ZC3H12B: variants seen among roughly 807,000 people sequenced by gnomAD.
ZC3H12B encodes the protein probable ribonuclease ZC3H12B.
Under a neutral mutation model 43.9 loss-of-function variants are expected in ZC3H12B, and 7 were observed. The ratio of observed to expected loss-of-function variants is 0.16; its 90% confidence interval spans 0.09 to 0.30. ZC3H12B has a LOEUF of 0.30. Among genes scored for constraint, ZC3H12B ranks in the 10% least tolerant of loss-of-function variants. The probability of loss-of-function intolerance (pLI) is 1.00; values close to 1 mark genes in which losing one functional copy is unlikely to be tolerated. For synonymous variants in ZC3H12B, 222 were observed against 241.7 expected, an observed-to-expected ratio of 0.92 and a Z score of 0.76; for missense variants, 475 against 670.2, an observed-to-expected ratio of 0.71 and a Z score of 3.22.
intron 3 of ZC3H12B, among the ~76,000 whole-genome samples, chrX:65,478,017 AT>A (rs781652598): frequency 3.6e-5 from 4 of 110,633 alleles, no homozygotes; most frequent in Non-Finnish European, 7.6e-5. Flanking sequence ...TCTCCAGTGG[AT>A]TTTTTATTTC....
the ZC3H12B span, among the ~76,000 whole-genome samples, chrX:65,064,920 C>T: frequency 2.7e-5 from 3 of 110,979 alleles, no homozygotes; most frequent in Non-Finnish European, 5.7e-5. Flanking sequence ...CTTTTTTCAT[C>T]TTTGTTGGTT....
chrX:65,345,342 T>C, the ZC3H12B span, among the ~76,000 whole-genome samples: 1 of 112,176 alleles, frequency 8.9e-6, no homozygotes, highest in Non-Finnish European at 1.9e-5. Context: ...GTGGTACATA[T>C]ACACCATGGA....
the ZC3H12B span, among the ~76,000 whole-genome samples, chrX:65,076,158 CTTT>C: frequency 9.6e-6 from 1 of 103,882 alleles, no homozygotes; most frequent in African/African-American, 3.5e-5. Context: ...TCTCTTCTTT[CTTT>C]TTTTTTTTTC....
the ZC3H12B span, among the ~76,000 whole-genome samples, chrX:65,043,059 C>T: frequency 3.6e-5 from 4 of 111,641 alleles, no homozygotes; most frequent in African/African-American, 1.3e-4. Flanking sequence ...AATTCCAATT[C>T]TCAATTCTGA....
At chrX:65,188,356 CTA>C in the ZC3H12B span, among the ~76,000 whole-genome samples, 6 of 91,240 alleles carry the variant, frequency 6.6e-5, no homozygotes, top group African/African-American at 2.6e-4. Context: ...TGTGGTTGCT[CTA>C]TTTTTTTTTT....
chrX:65,289,456 A>G, the ZC3H12B span, among the ~76,000 whole-genome samples: 1 of 110,248 alleles, frequency 9.1e-6, no homozygotes, highest in East Asian at 2.8e-4. Context: ...CAATTTACCC[A>G]TGTAACAAAC....
chrX:65,127,084 A>G, the ZC3H12B span, among the ~76,000 whole-genome samples: 4 of 110,873 alleles, frequency 3.6e-5, no homozygotes, highest in African/African-American at 6.6e-5. Context: ...TTGCTATGTC[A>G]TATTAATCAG....
At chrX:65,286,515 T>C in the ZC3H12B span, among the ~76,000 whole-genome samples, 33 of 110,482 alleles carry the variant, frequency 3.0e-4, no homozygotes, top group East Asian at 9.1e-3. Context: ...GATGCACAAT[T>C]TACCCATGTA....
the ZC3H12B span, among the ~76,000 whole-genome samples, chrX:65,283,210 C>A: frequency 9.0e-6 from 1 of 111,346 alleles, no homozygotes; most frequent in Non-Finnish European, 1.9e-5. Context: ...TAAACAGAAC[C>A]AAAGACAAAA....
chrX:65,155,181 C>A, the ZC3H12B span, among the ~76,000 whole-genome samples: 2 of 110,539 alleles, frequency 1.8e-5, no homozygotes, highest in Non-Finnish European at 3.8e-5. Context: ...TGGTCTTGAA[C>A]TCTTGAACTC....
chrX:65,203,239 A>G, the ZC3H12B span, among the ~76,000 whole-genome samples: 2 of 112,277 alleles, frequency 1.8e-5, no homozygotes, highest in Admixed American at 1.9e-4. Context: ...CACCTCTGGT[A>G]CCTAAGGCGT....
At position 65,448,073 on chromosome X, in the gene ZC3H12B, A is replaced by T. The variant is rs776644887; in HGVS notation, n.408-40573A>T. 1.4e-3 allele frequency among the ~76,000 whole-genome samples: 153 copies of T among 111,027 alleles called. 1 individual carries two copies. Among genetic ancestry groups the T allele is most frequent in the African/African-American group, 4.9e-3 (150 of 30,588 alleles). On this transcript the variant is annotated intron_variant and non_coding_transcript_variant, in intron 3 of 5. Coordinates refer to the ZC3H12B transcript ENST00000617377. ...CAGTGAAACCCCGTCTCTACTAAAA[A>T]TACAAAAAAAAATTAGCCGGGTGTG... is the stretch of plus-strand genomic sequence containing the variant.
intron 2 of ZC3H12B, among the ~76,000 whole-genome samples, chrX:65,389,573 G>A (rs961080681): frequency 3.5e-5 from 4 of 112,780 alleles, no homozygotes; most frequent in East Asian, 2.8e-4. Flanking sequence ...TCCCTGACCC[G>A]TTGTGCTTCC....
At chrX:65,473,566 G>C (rs1193563695) in intron 3 of ZC3H12B, among the ~76,000 whole-genome samples, 1 of 111,811 alleles carries the variant, frequency 8.9e-6, no homozygotes, top group Non-Finnish European at 1.9e-5. Flanking sequence ...CTTTTCATTT[G>C]TGTCTTATTT....
the ZC3H12B span, among the ~76,000 whole-genome samples, chrX:65,064,252 G>C: frequency 3.6e-5 from 4 of 111,364 alleles, no homozygotes; most frequent in East Asian, 2.8e-4. Context: ...TTAGGGTGTT[G>C]ATTTTAGATC....
chrX:65,372,749 T>C (rs1199173593), intron 2 of ZC3H12B, among the ~76,000 whole-genome samples: 1 of 112,211 alleles, frequency 8.9e-6, no homozygotes, highest in African/African-American at 3.2e-5. Flanking sequence ...ATGGGGAAAC[T>C]GAGGTTTGGA....
chrX:65,330,608 G>C, the ZC3H12B span, among the ~76,000 whole-genome samples: 2 of 111,464 alleles, frequency 1.8e-5, no homozygotes, highest in African/African-American at 3.3e-5. Context: ...AGAGTTTTTG[G>C]GATGAAGCAT....
chrX:65,098,558 A>T, the ZC3H12B span, among the ~76,000 whole-genome samples: 2 of 109,567 alleles, frequency 1.8e-5, 1 homozygote, highest in African/African-American at 6.7e-5. Context: ...TGTTCATCTC[A>T]TTGGGACTGG....
intron 3 of ZC3H12B, among the ~76,000 whole-genome samples, chrX:65,480,293 A>C (rs1351470735): frequency 2.7e-5 from 3 of 112,238 alleles, no homozygotes; most frequent in Non-Finnish European, 5.6e-5. Flanking sequence ...CACTATTTTT[A>C]ATTTCTACTG....
Sources: gnomAD v4.1 joint callset for allele counts (sites outside exome capture counted in the v4.1 genomes callset) on GRCh38, gnomAD v4.1.1 for gene constraint, MANE v1.5 for transcripts, NCBI Gene and HGNC (gene_info 2026-07-23, HGNC 2026-07-21) for gene names.